The following PRAG1 variants were observed in gnomAD, a reference collection of about 807,000 sequenced individuals.
PRAG1 encodes the protein PEAK1 related, kinase-activating pseudokinase 1, also known as inactive tyrosine-protein kinase PRAG1.
A neutral mutation model predicts 95.6 loss-of-function variants in PRAG1; 110 were observed. The observed-to-expected ratio is 1.15, with a 90% CI of 0.99 to 1.35. The LOEUF is 1.35. Ranked by LOEUF, PRAG1 falls within the 40% of genes most tolerant of loss-of-function variation. PRAG1 has a pLI of 0.00. For synonymous variants in PRAG1, 1,052 were observed against 819.4 expected, an observed-to-expected ratio of 1.28 and a Z score of -4.85; for missense variants, 2,554 against 1,864.7, an observed-to-expected ratio of 1.37 and a Z score of -6.81.
At chr8:8,343,166 G>A (rs944041944) in intron 3 of PRAG1, among the ~76,000 whole-genome samples, 3 of 152,134 alleles carry the variant, frequency 2.0e-5, no homozygotes, top group Non-Finnish European at 4.4e-5. Flanking sequence ...AATTATGAAT[G>A]ATCAGATTGT....
intron 5 of PRAG1, among the ~76,000 whole-genome samples, chr8:8,320,359 A>T (rs1376040642): frequency 2.0e-5 from 3 of 152,074 alleles, no homozygotes; most frequent in Non-Finnish European, 4.4e-5. Flanking sequence ...TCTCTGTGGG[A>T]AGCATAGCTG....
chr8:8,334,061 G>A (rs1041505535), intron 4 of PRAG1, among the ~76,000 whole-genome samples: 1 of 152,218 alleles, frequency 6.6e-6, no homozygotes. Context: ...ACACGGACTT[G>A]TTCCTCTGAA....
rs201605403 is a variant in PRAG1 at position 8,328,050 on chromosome 8, T to G, written c.2732A>C (p.Gln911Pro). The change falls in exon 5 of 6, where the codon CAG (glutamine) becomes CCG (proline). Residue 911 changes from glutamine to proline, a missense_variant. By Grantham distance (76) the Gln-to-Pro change is moderately conservative. Coordinates refer to ENST00000615670, the MANE Select transcript of PRAG1 (RefSeq NM_001080826.3). ...NRGGCGSPGL[Q>P]CKGAPSASSS... Reference sequence around the variant, plus strand: ...TGAGGCGGAGGGGGCCCCTTTGCACTGGAGGCCAGGGCTCCCGCAGCCGCC... The same window carrying G: ...TGAGGCGGAGGGGGCCCCTTTGCACGGGAGGCCAGGGCTCCCGCAGCCGCC... The G allele has an allele frequency of 1.3e-6, 2 of 1,591,182 alleles. No individual in the cohort carries two copies. The highest frequency in any genetic ancestry group is 8.6e-7 in the Non-Finnish European group (1 of 1,168,152).
At chr8:8,354,963 C>CA (rs1279548888) in intron 3 of PRAG1, among the ~76,000 whole-genome samples, 1 of 151,444 alleles carries the variant, frequency 6.6e-6, no homozygotes, top group African/African-American at 2.4e-5. Context: ...GGCATCCAAA[C>CA]AAAAAAAGGA....
intron 5 of PRAG1, among the ~76,000 whole-genome samples, chr8:8,324,514 G>C (rs1418307679): frequency 6.6e-6 from 1 of 152,158 alleles, no homozygotes; most frequent in African/African-American, 2.4e-5. Flanking sequence ...CACAGCACTG[G>C]GTGGGGGAAG....
chr8:8,355,502 T>C (rs1396678682), intron 3 of PRAG1, among the ~76,000 whole-genome samples: 1 of 152,110 alleles, frequency 6.6e-6, no homozygotes, highest in African/African-American at 2.4e-5. Context: ...ATTTGGAGCC[T>C]TCATACGTCC....
intron 1 of PRAG1, among the ~76,000 whole-genome samples, chr8:8,384,953 G>C (rs942379041): frequency 6.6e-6 from 1 of 152,174 alleles, no homozygotes; most frequent in African/African-American, 2.4e-5. Flanking sequence ...CACTAGATTT[G>C]TGGCTACAGT....
intron 3 of PRAG1, among the ~76,000 whole-genome samples, chr8:8,369,679 C>G (rs796462809): frequency 1.4e-5 from 2 of 147,726 alleles, no homozygotes; most frequent in African/African-American, 5.0e-5. Flanking sequence ...TGCATCTGGT[C>G]TATTTTGTAA....
intron 3 of PRAG1, among the ~76,000 whole-genome samples, chr8:8,340,072 C>A (rs144355808): frequency 6.6e-4 from 100 of 152,278 alleles, no homozygotes; most frequent in African/African-American, 2.3e-3. Context: ...GCAAACTAGG[C>A]CTTTACAAGT....
intron 4 of PRAG1, among the ~76,000 whole-genome samples, chr8:8,335,771 G>A (rs1563232661): frequency 6.6e-6 from 1 of 151,968 alleles, no homozygotes; most frequent in Non-Finnish European, 1.5e-5. Context: ...CTGACCAGTA[G>A]CTACTTTACA....
intron 4 of PRAG1, among the ~76,000 whole-genome samples, chr8:8,334,854 G>A (rs1798937110): frequency 1.3e-5 from 2 of 152,002 alleles, no homozygotes; most frequent in Non-Finnish European, 2.9e-5. Context: ...AGGCTGAGGT[G>A]AGCGGATCAC....
chr8:8,329,250 G>A (rs1025396743), intron 4 of PRAG1, among the ~76,000 whole-genome samples: 8 of 151,992 alleles, frequency 5.3e-5, no homozygotes, highest in African/African-American at 1.7e-4. Flanking sequence ...AAAATTAGCT[G>A]GGGGTGGTGG....
intron 3 of PRAG1, among the ~76,000 whole-genome samples, chr8:8,368,594 C>T (rs964681217): frequency 3.3e-5 from 5 of 152,070 alleles, no homozygotes; most frequent in African/African-American, 1.2e-4. Context: ...AAAACAACAA[C>T]AAAAAATTCC....
intron 3 of PRAG1, among the ~76,000 whole-genome samples, chr8:8,345,455 C>T (rs953755559): frequency 1.6e-4 from 25 of 151,748 alleles, no homozygotes; most frequent in African/African-American, 5.8e-4. Context: ...GGGGATATAA[C>T]AGGTCTTCCA....
intron 3 of PRAG1, among the ~76,000 whole-genome samples, chr8:8,351,169 G>A (rs1459986414): frequency 6.6e-6 from 1 of 152,170 alleles, no homozygotes; most frequent in Non-Finnish European, 1.5e-5. Flanking sequence ...TAGGCCTCAT[G>A]AAATTTAAAA....
At chr8:8,347,642 T>C (rs1053469349) in intron 3 of PRAG1, among the ~76,000 whole-genome samples, 2 of 152,184 alleles carry the variant, frequency 1.3e-5, no homozygotes, top group African/African-American at 2.4e-5. Context: ...CCTCCTTGTC[T>C]ATCCTGAATA....
chr8:8,337,682 C>T (rs1235663929), intron 4 of PRAG1, among the ~76,000 whole-genome samples: 1 of 152,162 alleles, frequency 6.6e-6, no homozygotes, highest in Non-Finnish European at 1.5e-5. Flanking sequence ...TACTGAACAA[C>T]TAGCTTGTGA....
At position 8,328,474 on chromosome 8, in the gene PRAG1, G is replaced by C; in HGVS notation, c.2321-13C>G. On this transcript the variant is annotated splice_polypyrimidine_tract_variant and intron_variant, in intron 4 of 5. Coordinates refer to ENST00000615670, the MANE Select transcript of PRAG1 (RefSeq NM_001080826.3). Reference sequence around the variant, plus strand: ...TCAGACGAGGGACCTGAAGAGGAGAGACAGAAACCATAAGACCAAGGCCAG... The same window carrying C: ...TCAGACGAGGGACCTGAAGAGGAGACACAGAAACCATAAGACCAAGGCCAG... 3 of 1,612,686 alleles carry C rather than the reference G, an allele frequency of 1.9e-6. No individual in the cohort carries two copies. The highest frequency in any genetic ancestry group is 2.5e-6 in the Non-Finnish European group (3 of 1,179,784).
intron 4 of PRAG1, among the ~76,000 whole-genome samples, chr8:8,332,382 T>C (rs930306456): frequency 2.0e-5 from 3 of 152,034 alleles, no homozygotes; most frequent in Non-Finnish European, 2.9e-5. Context: ...AGGCTGGTCT[T>C]GAACTTCTGA....
Sources: allele counts gnomAD v4.1 joint callset (sites outside exome capture counted in the v4.1 genomes callset), GRCh38; gene constraint gnomAD v4.1.1; transcripts MANE v1.5; gene names NCBI Gene and HGNC (gene_info 2026-07-23, HGNC 2026-07-21).